GLIS3: variants seen among roughly 807,000 people sequenced by gnomAD.
GLIS3 encodes the protein GLIS family zinc finger 3.
In GLIS3, 53 loss-of-function variants were observed where a neutral mutation model predicts 78.6. The observed-to-expected ratio is 0.67, with a 90% CI of 0.54 to 0.85. The LOEUF is 0.85. GLIS3 is among the 40% of genes least tolerant of loss of function. The pLI is 0.00. For missense variants in GLIS3, 1,703 were observed against 1,231.1 expected, an observed-to-expected ratio of 1.38 and a Z score of -5.74; for synonymous variants, 684 against 509.9, an observed-to-expected ratio of 1.34 and a Z score of -4.60.
chr9:4,293,570 C>T (rs1816212931), intron 1 of GLIS3, among the ~76,000 whole-genome samples: 1 of 152,186 alleles, frequency 6.6e-6, no homozygotes, highest in Non-Finnish European at 1.5e-5. Context: ...ATCGGTCATG[C>T]TGAAAAGGTT....
chr9:4,048,249 T>C (rs1038738687), intron 4 of GLIS3, among the ~76,000 whole-genome samples: 7 of 152,192 alleles, frequency 4.6e-5, no homozygotes, highest in Non-Finnish European at 8.8e-5. Flanking sequence ...CCAAGGAAAG[T>C]AAATGGTATT....
At chr9:4,335,696 C>T (rs1056526726) in intron 2 of GLIS3, among the ~76,000 whole-genome samples, 1 of 152,142 alleles carries the variant, frequency 6.6e-6, no homozygotes, top group African/African-American at 2.4e-5. Flanking sequence ...AAACCTGAAA[C>T]ATCAGGATCT....
chr9:4,159,647 A>T (rs1390749688), intron 2 of GLIS3, among the ~76,000 whole-genome samples: 1 of 151,968 alleles, frequency 6.6e-6, no homozygotes, highest in Non-Finnish European at 1.5e-5. Flanking sequence ...TGAATCCGGG[A>T]GGCAGAGGTT....
Position 3,826,096 on chromosome 9 carries a change from CCTTT to C in GLIS3, c.*2172_*2175del, listed in dbSNP as rs760739207. ...GAGCTTCTGTCTTGTCCTCCTTCCC[CCTTT>C]CTATTTTAAATTACATAAAGCCAAA... On this transcript the variant is annotated 3_prime_UTR_variant, in exon 11 of 11. Transcript: ENST00000381971. 3 of 152,174 alleles carry C rather than the reference CCTTT, an allele frequency of 2.0e-5. No individual in the cohort carries two copies. The highest frequency in any genetic ancestry group is 4.8e-5 in the African/African-American group (2 of 41,438). 9.4% of individuals were successfully genotyped at this position (152,174 alleles called of 1,614,324 possible). A position where few individuals can be genotyped will look rare whatever the true frequency, so the allele number is the denominator to read the frequency against.
chr9:4,078,230 A>G (rs1828242196), intron 4 of GLIS3, among the ~76,000 whole-genome samples: 1 of 152,208 alleles, frequency 6.6e-6, no homozygotes, highest in African/African-American at 2.4e-5. Flanking sequence ...CAAATATAAT[A>G]TTATGTCAAA....
exon 1 of GLIS3, chr9:4,348,334 C>G (rs893989328): frequency 1.4e-4 from 19 of 136,522 alleles, no homozygotes; most frequent in African/African-American, 4.7e-4. Flanking sequence ...CCTCGGGAAA[C>G]AGCTTTCTGA....
chr9:4,212,201 C>G (rs778888214), intron 2 of GLIS3, among the ~76,000 whole-genome samples: 1 of 152,120 alleles, frequency 6.6e-6, no homozygotes, highest in Non-Finnish European at 1.5e-5. Context: ...GAACAAATAA[C>G]AAGGGTCATT....
chr9:4,454,751 TTCTC>T, the GLIS3 span, among the ~76,000 whole-genome samples: 1 of 152,132 alleles, frequency 6.6e-6, no homozygotes, highest in Non-Finnish European at 1.5e-5. Context: ...GACAGTTAGG[TTCTC>T]TCTCTCATAA....
intron 7 of GLIS3, among the ~76,000 whole-genome samples, chr9:3,883,067 C>A (rs2130489552): frequency 6.6e-6 from 1 of 152,276 alleles, no homozygotes; most frequent in Admixed American, 6.5e-5. Context: ...AACATTTATC[C>A]AATCCCCATC....
chr9:3,914,107 GA>G (rs1824330085), intron 6 of GLIS3, among the ~76,000 whole-genome samples: 1 of 150,976 alleles, frequency 6.6e-6, no homozygotes, highest in African/African-American at 2.4e-5. Flanking sequence ...AAATTGAACC[GA>G]AATTTTTTTT....
intron 5 of GLIS3, among the ~76,000 whole-genome samples, chr9:3,935,955 G>T (rs192295717): frequency 1.9e-3 from 284 of 152,256 alleles, no homozygotes; most frequent in African/African-American, 5.6e-3. Context: ...TAGCTAAAAT[G>T]ACTTCTATGA....
chr9:4,483,998 G>A, the GLIS3 span, among the ~76,000 whole-genome samples: 5 of 152,222 alleles, frequency 3.3e-5, no homozygotes, highest in Admixed American at 2.6e-4. Flanking sequence ...GCTTAGAAGA[G>A]CGCCTGGTAT....
intron 4 of GLIS3, among the ~76,000 whole-genome samples, chr9:4,026,716 A>G (rs1040478578): frequency 1.2e-4 from 19 of 152,210 alleles, no homozygotes; most frequent in Non-Finnish European, 1.5e-5. Context: ...TTATTGGACT[A>G]TTTTTAAGAT....
At chr9:3,926,276 A>C (rs1401473405) in intron 6 of GLIS3, among the ~76,000 whole-genome samples, 1 of 141,020 alleles carries the variant, frequency 7.1e-6, no homozygotes, top group Middle Eastern at 3.5e-3. Flanking sequence ...TGTCACCCAC[A>C]CTAGAGTGCA....
intron 2 of GLIS3, among the ~76,000 whole-genome samples, chr9:4,217,858 A>G (rs772151642): frequency 7.9e-5 from 12 of 152,258 alleles, no homozygotes; most frequent in Non-Finnish European, 1.6e-4. Flanking sequence ...AGCATGAAAT[A>G]GTATTTAATA....
intron 4 of GLIS3, among the ~76,000 whole-genome samples, chr9:4,039,603 G>C (rs1488922713): frequency 6.6e-6 from 1 of 152,202 alleles, no homozygotes; most frequent in Admixed American, 6.5e-5. Context: ...CCAGGTAAGA[G>C]AAGTGACTCG....
chr9:4,233,662 C>A (rs751979673), intron 2 of GLIS3, among the ~76,000 whole-genome samples: 1 of 152,188 alleles, frequency 6.6e-6, no homozygotes, highest in Non-Finnish European at 1.5e-5. Flanking sequence ...TAAATGAACA[C>A]TGGCTTCAAC....
chr9:4,389,841 G>T, the GLIS3 span, among the ~76,000 whole-genome samples: 3 of 152,174 alleles, frequency 2.0e-5, no homozygotes, highest in Non-Finnish European at 4.4e-5. Context: ...TATATTTCAG[G>T]CACTCTTCTA....
At chr9:4,227,914 T>C (rs1821913664) in intron 2 of GLIS3, among the ~76,000 whole-genome samples, 1 of 152,232 alleles carries the variant, frequency 6.6e-6, no homozygotes, top group African/African-American at 2.4e-5. Flanking sequence ...AAAGAAATGG[T>C]GGCATCGGAA....
Sources: allele counts gnomAD v4.1 joint callset (sites outside exome capture counted in the v4.1 genomes callset), GRCh38; gene constraint gnomAD v4.1.1; transcripts MANE v1.5; gene names NCBI Gene and HGNC (gene_info 2026-07-23, HGNC 2026-07-21).